Variants in CDH20 observed in about 807,000 individuals in gnomAD.
CDH20 encodes the protein cadherin-20.
In CDH20, 29 loss-of-function variants were observed where a neutral mutation model predicts 74.2. That is an observed-to-expected ratio of 0.39 (90% CI 0.29 to 0.53). The LOEUF (loss-of-function observed/expected upper bound fraction) is 0.53. CDH20 is among the 20% of genes least tolerant of loss of function. CDH20 has a pLI of 0.69. For missense variants in CDH20, 988 were observed against 1,048.3 expected (o/e 0.94, Z 0.79); for synonymous variants, 469 against 405.4 (o/e 1.16, Z -1.88).
intron 1 of CDH20, among the ~76,000 whole-genome samples, chr18:61,349,059 A>G (rs1910222209): frequency 6.6e-6 from 1 of 152,178 alleles, no homozygotes; most frequent in African/African-American, 2.4e-5. Context: ...GGGGGTTGAA[A>G]TGTGTATTCT....
chr18:61,395,830 C>G (rs922083651), intron 1 of CDH20, among the ~76,000 whole-genome samples: 1 of 152,102 alleles, frequency 6.6e-6, no homozygotes, highest in Non-Finnish European at 1.5e-5. Context: ...GTCAGGAGAT[C>G]GCGACCATCC....
intron 1 of CDH20, among the ~76,000 whole-genome samples, chr18:61,451,352 CAAAGT>C (rs1909381036): frequency 1.3e-5 from 2 of 151,952 alleles, no homozygotes; most frequent in Admixed American, 1.3e-4. Context: ...AATAAATACT[CAAAGT>C]ATAGTAGTTC....
At chr18:61,393,980 T>G (rs762295240) in intron 1 of CDH20, among the ~76,000 whole-genome samples, 1 of 152,154 alleles carries the variant, frequency 6.6e-6, no homozygotes, top group Non-Finnish European at 1.5e-5. Context: ...CTCCTTCTCA[T>G]TAATTTTTTA....
chr18:61,527,546 A>G (rs1340211932), intron 6 of CDH20, among the ~76,000 whole-genome samples: 2 of 152,154 alleles, frequency 1.3e-5, no homozygotes, highest in Non-Finnish European at 2.9e-5. Context: ...TGCCTGGGAC[A>G]GAATAGAGTC....
At chr18:61,477,659 T>C (rs865918015) in intron 1 of CDH20, among the ~76,000 whole-genome samples, 33 of 152,244 alleles carry the variant, frequency 2.2e-4, no homozygotes, top group African/African-American at 7.2e-4. Context: ...GCTCTAATAA[T>C]GCTAATAAAA....
intron 10 of CDH20, among the ~76,000 whole-genome samples, chr18:61,549,415 C>G (rs115561147): frequency 6.6e-6 from 1 of 152,190 alleles, no homozygotes; most frequent in Non-Finnish European, 1.5e-5. Context: ...AAAGAAGCTT[C>G]TACTAAATGA....
intron 1 of CDH20, among the ~76,000 whole-genome samples, chr18:61,360,037 C>A (rs1189850549): frequency 6.6e-6 from 1 of 152,150 alleles, no homozygotes; most frequent in Non-Finnish European, 1.5e-5. Context: ...GAGGGCTTGT[C>A]AAAAATGCAC....
intron 1 of CDH20, among the ~76,000 whole-genome samples, chr18:61,486,173 C>A (rs1376984460): frequency 6.6e-6 from 1 of 152,142 alleles, no homozygotes; most frequent in Non-Finnish European, 1.5e-5. Context: ...ATGAAAACAA[C>A]TTCTGGTCAG....
At chr18:61,375,061 T>C (rs967775618) in intron 1 of CDH20, among the ~76,000 whole-genome samples, 1 of 152,270 alleles carries the variant, frequency 6.6e-6, no homozygotes, top group East Asian at 1.9e-4. Flanking sequence ...TCAAGTAATA[T>C]ATAATGTGAA....
At chr18:61,509,624 A>C (rs1176942284) in intron 6 of CDH20, among the ~76,000 whole-genome samples, 1 of 152,196 alleles carries the variant, frequency 6.6e-6, no homozygotes, top group Non-Finnish European at 1.5e-5. Flanking sequence ...TTTTACTCTG[A>C]GTAAAGTGGG....
At chr18:61,469,022 G>T in intron 1 of CDH20, among the ~76,000 whole-genome samples, 1 of 152,002 alleles carries the variant, frequency 6.6e-6, no homozygotes, top group East Asian at 1.9e-4. Flanking sequence ...ACACAAATGT[G>T]GTCATTACCT....
chr18:61,362,875 A>G (rs1208454707), intron 1 of CDH20, among the ~76,000 whole-genome samples: 1 of 152,250 alleles, frequency 6.6e-6, no homozygotes, highest in East Asian at 1.9e-4. Context: ...TACTTATCCA[A>G]AATTTCTCAA....
intron 1 of CDH20, among the ~76,000 whole-genome samples, chr18:61,365,612 A>T (rs749890489): frequency 6.6e-6 from 1 of 152,058 alleles, no homozygotes; most frequent in Non-Finnish European, 1.5e-5. Flanking sequence ...TTTTAACCTT[A>T]TATTTTAGTT....
chr18:61,456,732 T>G (rs1909583222), intron 1 of CDH20, among the ~76,000 whole-genome samples: 1 of 152,092 alleles, frequency 6.6e-6, no homozygotes, highest in Non-Finnish European at 1.5e-5. Flanking sequence ...CAGAATACCA[T>G]AGATTAAGTG....
intron 9 of CDH20, among the ~76,000 whole-genome samples, chr18:61,543,185 T>G (rs1913101873): frequency 6.6e-6 from 1 of 152,158 alleles, no homozygotes; most frequent in Non-Finnish European, 1.5e-5. Context: ...CCCCAGTTAT[T>G]TAATCTTCAG....
At chr18:61,379,277 G>A (rs1370439554) in intron 1 of CDH20, among the ~76,000 whole-genome samples, 2 of 152,142 alleles carry the variant, frequency 1.3e-5, no homozygotes, top group East Asian at 3.9e-4. Flanking sequence ...TTTGTGCTGG[G>A]CACATAAAAT....
chr18:61,432,268 A>G (rs565851939), intron 1 of CDH20, among the ~76,000 whole-genome samples: 23 of 149,288 alleles, frequency 1.5e-4, no homozygotes, highest in African/African-American at 5.7e-4. Flanking sequence ...AAAAAAACAC[A>G]AAGATTAATT....
At chr18:61,453,724 G>C (rs1909475901) in intron 1 of CDH20, among the ~76,000 whole-genome samples, 2 of 152,122 alleles carry the variant, frequency 1.3e-5, no homozygotes, top group Non-Finnish European at 2.9e-5. Flanking sequence ...AGGACAACTG[G>C]GTTGTTTCTA....
chr18:61,354,688 T>G (rs1910438801), intron 1 of CDH20, among the ~76,000 whole-genome samples: 1 of 152,170 alleles, frequency 6.6e-6, no homozygotes, highest in South Asian at 2.1e-4. Context: ...CTGAGACAAT[T>G]ACTTTTGGGG....
Sources: allele counts gnomAD v4.1 joint callset (sites outside exome capture counted in the v4.1 genomes callset), GRCh38; gene constraint gnomAD v4.1.1; transcripts MANE v1.5; gene names NCBI Gene and HGNC (gene_info 2026-07-23, HGNC 2026-07-21).